Variants in CDH13 observed in about 807,000 individuals in gnomAD.
CDH13 encodes the protein cadherin 13, also known as cadherin-13.
A neutral mutation model predicts 63.8 loss-of-function variants in CDH13; 24 were observed. The ratio of observed to expected loss-of-function variants is 0.38; its 90% confidence interval spans 0.27 to 0.53. The LOEUF is 0.53. CDH13 is among the 20% of genes least tolerant of loss of function. The probability of loss-of-function intolerance (pLI) is 0.85; values close to 1 mark genes in which losing one functional copy is unlikely to be tolerated. For synonymous variants in CDH13, 503 were observed against 355.3 expected, an observed-to-expected ratio of 1.42 and a Z score of -4.67; for missense variants, 1,049 against 903.1, an observed-to-expected ratio of 1.16 and a Z score of -2.07.
chr16:83,531,073 T>C (rs891331390), intron 7 of CDH13, among the ~76,000 whole-genome samples: 2 of 152,246 alleles, frequency 1.3e-5, no homozygotes, highest in Non-Finnish European at 2.9e-5. Context: ...GGTAAAGTTC[T>C]TGGTGTTGTT....
intron 1 of CDH13, among the ~76,000 whole-genome samples, chr16:82,699,829 A>G (rs2030771467): frequency 6.6e-6 from 1 of 152,254 alleles, no homozygotes; most frequent in Admixed American, 6.5e-5. Context: ...GGAATGTCCC[A>G]TCTAGTTTTT....
intron 1 of CDH13, among the ~76,000 whole-genome samples, chr16:82,754,667 T>C (rs1295747134): frequency 6.6e-6 from 1 of 152,240 alleles, no homozygotes; most frequent in Non-Finnish European, 1.5e-5. Context: ...TCTATTAATT[T>C]ATTTGGATTT....
At chr16:83,246,949 A>G (rs1026787024) in intron 5 of CDH13, among the ~76,000 whole-genome samples, 1 of 152,212 alleles carries the variant, frequency 6.6e-6, no homozygotes, top group Non-Finnish European at 1.5e-5. Context: ...GCCTTTGCGT[A>G]TCCATCTCTA....
At chr16:83,213,616 C>T (rs1324692364) in intron 4 of CDH13, among the ~76,000 whole-genome samples, 1 of 152,174 alleles carries the variant, frequency 6.6e-6, no homozygotes, top group Non-Finnish European at 1.5e-5. Context: ...TTGTAGAATT[C>T]CCATGTTCGT....
At chr16:82,771,301 A>G (rs866675402) in intron 1 of CDH13, among the ~76,000 whole-genome samples, 3 of 152,350 alleles carry the variant, frequency 2.0e-5, no homozygotes, top group Middle Eastern at 3.4e-3. Flanking sequence ...TGTCAATTAT[A>G]TACAGAGCAC....
intron 8 of CDH13, among the ~76,000 whole-genome samples, chr16:83,623,402 T>C (rs1909991805): frequency 1.3e-5 from 2 of 152,228 alleles, no homozygotes; most frequent in Non-Finnish European, 1.5e-5. Context: ...ATCGGCTTTA[T>C]TGCAATCGGT....
intron 7 of CDH13, among the ~76,000 whole-genome samples, chr16:83,495,559 A>G (rs1317488065): frequency 6.6e-6 from 1 of 152,094 alleles, no homozygotes; most frequent in Admixed American, 6.6e-5. Flanking sequence ...GGGAAAAGGG[A>G]TTTTCTACAA....
At chr16:83,194,760 G>C (rs558863965) in intron 4 of CDH13, among the ~76,000 whole-genome samples, 17 of 152,272 alleles carry the variant, frequency 1.1e-4, no homozygotes, top group Non-Finnish European at 2.2e-4. Flanking sequence ...TTCCTAGTTG[G>C]GTAGTTGGGA....
chr16:83,176,469 C>G (rs981786450), intron 4 of CDH13, among the ~76,000 whole-genome samples: 1 of 136,376 alleles, frequency 7.3e-6, no homozygotes, highest in Non-Finnish European at 1.5e-5. Context: ...CAGATTGCAT[C>G]ACTGCACTCC....
intron 9 of CDH13, among the ~76,000 whole-genome samples, chr16:83,673,034 A>G (rs2150861545): frequency 6.6e-6 from 1 of 152,350 alleles, no homozygotes; most frequent in Admixed American, 6.5e-5. Context: ...TACTTCGTGC[A>G]TTACTGCTAG....
intron 3 of CDH13, among the ~76,000 whole-genome samples, chr16:83,066,404 T>C (rs940383589): frequency 6.6e-5 from 10 of 152,156 alleles, no homozygotes; most frequent in African/African-American, 2.4e-4. Flanking sequence ...GGAAAAGTCC[T>C]AAACAAAAGG....
At chr16:83,268,771 T>A (rs2088702427) in intron 5 of CDH13, among the ~76,000 whole-genome samples, 1 of 152,224 alleles carries the variant, frequency 6.6e-6, no homozygotes, top group African/African-American at 2.4e-5. Context: ...GAACTACTAT[T>A]GGGTATAACC....
chr16:83,676,996 T>A (rs1915007816), intron 9 of CDH13, among the ~76,000 whole-genome samples: 1 of 152,234 alleles, frequency 6.6e-6, no homozygotes, highest in South Asian at 2.1e-4. Context: ...AAATCAAATC[T>A]CTTGACTTAT....
At chr16:82,708,010 A>G (rs544011536) in intron 1 of CDH13, among the ~76,000 whole-genome samples, 4 of 152,204 alleles carry the variant, frequency 2.6e-5, no homozygotes, top group South Asian at 2.1e-4. Context: ...GCCCTGTGTA[A>G]TCATTCCATC....
At chr16:82,690,576 T>C (rs1915547011) in intron 1 of CDH13, among the ~76,000 whole-genome samples, 1 of 152,064 alleles carries the variant, frequency 6.6e-6, no homozygotes, top group Admixed American at 6.5e-5. Context: ...GAAGAGTTCA[T>C]CTCGTGAGAA....
chr16:83,118,655 C>T (rs974359960), intron 3 of CDH13, among the ~76,000 whole-genome samples: 1 of 152,138 alleles, frequency 6.6e-6, no homozygotes, highest in Non-Finnish European at 1.5e-5. Context: ...ACCGTTTCTG[C>T]AGTTCTTTAG....
chr16:83,351,455 G>GAGAGATGCAGT (rs1192941475), intron 6 of CDH13, among the ~76,000 whole-genome samples: 2 of 152,120 alleles, frequency 1.3e-5, no homozygotes, highest in African/African-American at 4.8e-5. Flanking sequence ...TCTCTACACA[G>GAGAGATGCAGT]AGAGATGCAG....
At chr16:82,763,005 A>C (rs1334427747) in intron 1 of CDH13, among the ~76,000 whole-genome samples, 2 of 152,170 alleles carry the variant, frequency 1.3e-5, no homozygotes, top group African/African-American at 4.8e-5. Context: ...TCGTGGTGCT[A>C]CTGTGTGAAA....
intron 6 of CDH13, among the ~76,000 whole-genome samples, chr16:83,370,804 G>T (rs1369797686): frequency 6.6e-6 from 1 of 152,106 alleles, no homozygotes; most frequent in African/African-American, 2.4e-5. Context: ...ACATGATCTT[G>T]TTCTTTTGTA....
Sources: allele counts gnomAD v4.1 joint callset (sites outside exome capture counted in the v4.1 genomes callset), GRCh38; gene constraint gnomAD v4.1.1; transcripts MANE v1.5; gene names NCBI Gene and HGNC (gene_info 2026-07-23, HGNC 2026-07-21).